The following APAF1 variants were observed in gnomAD, a reference collection of about 807,000 sequenced individuals.
The protein encoded by APAF1 is apoptotic peptidase activating factor 1.
APAF1 carries 91 observed loss-of-function variants against 152.4 expected under a neutral mutation model. The observed-to-expected ratio is 0.60, with a 90% CI of 0.50 to 0.71. APAF1 has a LOEUF of 0.71. APAF1 is among the 30% of genes least tolerant of loss of function. The pLI, the probability that APAF1 is intolerant of heterozygous loss-of-function variation, is 0.00. For missense variants in APAF1, 1,283 were observed against 1,472.0 expected (o/e 0.87, Z 2.10); for synonymous variants, 484 against 494.1 (o/e 0.98, Z 0.27).
At chr12:98,686,676 A>G in intron 15 of APAF1, 72 bp from the exon 16 acceptor site, 1 of 1,447,060 alleles carries the variant, frequency 6.9e-7, no homozygotes, top group East Asian at 2.3e-5. Context: ...AAAAGGAAGA[A>G]CTTCACATGA....
chr12:98,669,156 C>G (rs976847151), intron 10 of APAF1, among the ~76,000 whole-genome samples: 3 of 152,072 alleles, frequency 2.0e-5, no homozygotes, highest in Non-Finnish European at 4.4e-5. Flanking sequence ...TAACCAAACT[C>G]TAGTTATCGA....
At position 98,647,930 on chromosome 12, in the gene APAF1, A is replaced by G. The variant is rs185511349; in HGVS notation, c.-41-389A>G. ...TTTTATTTTTTACTCTAGCCTCCCA[A>G]TGTGCTGGGATTATAGGCTTGAGCT... On this transcript the variant is annotated intron_variant, in intron 1 of 26. Coordinates refer to ENST00000551964, the MANE Select transcript of APAF1 (RefSeq NM_181861.2). Among the ~76,000 whole-genome samples, 70 of 152,066 alleles carry G rather than the reference A, an allele frequency of 4.6e-4. 2 individuals are homozygous for G. The highest frequency in any genetic ancestry group is 2.2e-3 in the Admixed American group (33 of 15,262).
intron 25 of APAF1, among the ~76,000 whole-genome samples, 175 bp from the exon 26 acceptor site, chr12:98,726,998 T>G (rs2097751519): frequency 6.6e-6 from 1 of 152,232 alleles, no homozygotes; most frequent in Non-Finnish European, 1.5e-5. Flanking sequence ...GAGCACTGCT[T>G]ATATATTAAA....
At chr12:98,671,173 C>T in intron 11 of APAF1, 87 bp downstream of exon 11, 1 of 884,576 alleles carries the variant, frequency 1.1e-6, no homozygotes, top group Non-Finnish European at 1.8e-6. Context: ...TGGGAATGAG[C>T]AGAATAGAAG....
At chr12:98,659,389 A>G (rs747301528) in intron 5 of APAF1, 46 bp downstream of exon 5, 57 of 1,584,792 alleles carry the variant, frequency 3.6e-5, no homozygotes, top group East Asian at 8.9e-5. Context: ...CCATGTCCCA[A>G]TAAGATGTAA....
chr12:98,708,614 C>G lies in APAF1; in HGVS notation c.2751C>G (p.Asn917Lys). 6.2e-7 allele frequency: 1 copy of G among 1,613,146 alleles called. No homozygotes were observed. The highest frequency in any genetic ancestry group is 1.3e-5 in the African/African-American group (1 of 75,022). ...RLWETKKVCK[N>K]SAVMLKQEVD... ...GGGAGACAAAGAAAGTATGTAAGAA[C>G]TCTGCTGTAATGTTAAAGCAAGAAG... The change falls in exon 20 of 27, where the codon AAC becomes AAG. Residue 917 changes from asparagine to lysine, a missense_variant. Physicochemically the swap from Asn to Lys is moderately conservative, Grantham distance 94. Transcript: ENST00000551964.
intron 9 of APAF1, among the ~76,000 whole-genome samples, chr12:98,667,112 A>T (rs61553790): frequency 0.027 from 3,784 of 142,340 alleles, 160 homozygotes; most frequent in African/African-American, 0.092. Flanking sequence ...ATATATATGT[A>T]TTTTTTTTTT....
At chr12:98,695,537 A>G (rs2097708969) in intron 16 of APAF1, among the ~76,000 whole-genome samples, 2 of 152,138 alleles carry the variant, frequency 1.3e-5, no homozygotes, top group Non-Finnish European at 2.9e-5. Flanking sequence ...GCTAGAAGAA[A>G]TTTTAATCTC....
At chr12:98,683,112 T>G (rs767172044) in intron 14 of APAF1, 31 bp from the exon 15 acceptor site, 1 of 1,580,632 alleles carries the variant, frequency 6.3e-7, no homozygotes, top group Non-Finnish European at 8.7e-7. Flanking sequence ...AAATAATGGA[T>G]ATTTGTAAAT....
rs1306553352 is a variant in APAF1, at chr12:98,671,203, C to T, written c.1608+117C>T. On this transcript the variant is annotated intron_variant, in intron 11 of 26. Transcript: ENST00000551964. ...TAGAAGGGGTGAAGATAATTTCCCT[C>T]CTTTGATTTTTGGTTATTCTAATTA... 11 of 738,214 alleles carry T rather than the reference C, an allele frequency of 1.5e-5. No individual in the cohort carries two copies. The African/African-American group carries it at 1.8e-4, about 12-fold the overall frequency. The allele number at this position is 738,214 out of a possible 1,614,324, so 45.7% of individuals were successfully genotyped here.
chr12:98,656,294 T>A (rs747669491), intron 4 of APAF1, among the ~76,000 whole-genome samples: 1 of 152,224 alleles, frequency 6.6e-6, no homozygotes, highest in Non-Finnish European at 1.5e-5. Context: ...TTCTCTGCAA[T>A]TATAAATATA....
chr12:98,668,048 T>C (rs2097675590), intron 10 of APAF1, among the ~76,000 whole-genome samples: 1 of 152,158 alleles, frequency 6.6e-6, no homozygotes, highest in African/African-American at 2.4e-5. Context: ...CCTCCCAAAG[T>C]GTTAGGAGTA....
At chr12:98,691,171 C>T (rs1215170365) in intron 16 of APAF1, among the ~76,000 whole-genome samples, 1 of 152,108 alleles carries the variant, frequency 6.6e-6, no homozygotes, top group Non-Finnish European at 1.5e-5. Flanking sequence ...TGCGCCACTG[C>T]ACTCAAGCCT....
chr12:98,665,242 G>T (rs924117089), intron 7 of APAF1, among the ~76,000 whole-genome samples: 15 of 111,060 alleles, frequency 1.4e-4, no homozygotes, highest in African/African-American at 3.6e-4. Context: ...TCATTATATT[G>T]CTTAGACTGG....
intron 9 of APAF1, among the ~76,000 whole-genome samples, chr12:98,666,828 A>C (rs1284698171): frequency 6.6e-6 from 1 of 150,676 alleles, no homozygotes; most frequent in African/African-American, 2.4e-5. Context: ...CAGTGGCGTC[A>C]TAGGCTGAGA....
At position 98,708,679 on chromosome 12, in the gene APAF1, C is replaced by T; in HGVS notation, c.2816C>T (p.Ala939Val). The change falls in exon 20 of 27, where the codon GCA becomes GTA. Residue 939 changes from alanine (A) to valine (V), a missense_variant. By Grantham distance (64) the Ala-to-Val change is moderately conservative. Transcript: ENST00000551964. ...CAAGAAAATGAAGTGATGGTCCTTGCAGTTGACCATATAAGACGTCTGCAA... is the reference window on the plus strand; with the variant it reads ...CAAGAAAATGAAGTGATGGTCCTTGTAGTTGACCATATAAGACGTCTGCAA... ...VFQENEVMVL[A>V]VDHIRRLQLI... 6.2e-7 allele frequency: 1 copy of T among 1,613,588 alleles called. No homozygotes were observed. Among genetic ancestry groups the T allele is most frequent in the Non-Finnish European group, 8.5e-7 (1 of 1,179,722 alleles).
intron 16 of APAF1, among the ~76,000 whole-genome samples, chr12:98,694,972 T>C (rs988842997): frequency 2.0e-5 from 3 of 151,998 alleles, no homozygotes; most frequent in African/African-American, 7.3e-5. Context: ...GAACTTTTGA[T>C]GTCAAAGTCT....
At chr12:98,705,394 A>G (rs1207715606) in intron 18 of APAF1, among the ~76,000 whole-genome samples, 1 of 152,102 alleles carries the variant, frequency 6.6e-6, no homozygotes, top group Non-Finnish European at 1.5e-5. Context: ...CAGTTGTGGA[A>G]CCACTTTCAT....
At chr12:98,709,042 G>A (rs557641952) in intron 20 of APAF1, among the ~76,000 whole-genome samples, 67 of 152,180 alleles carry the variant, frequency 4.4e-4, no homozygotes, top group Non-Finnish European at 6.6e-4. Context: ...AGGGGGATGA[G>A]CATATGGAAG....
Sources: allele counts gnomAD v4.1 joint callset (sites outside exome capture counted in the v4.1 genomes callset), GRCh38; gene constraint gnomAD v4.1.1; transcripts MANE v1.5; gene names NCBI Gene and HGNC (gene_info 2026-07-23, HGNC 2026-07-21).